The following ARSK variants were observed in gnomAD, a reference collection of about 807,000 sequenced individuals.
ARSK encodes the protein arylsulfatase family member K, also known as arylsulfatase K.
Under a neutral mutation model 53.2 loss-of-function variants are expected in ARSK, and 37 were observed. The observed-to-expected ratio is 0.70, with a 90% CI of 0.54 to 0.92. ARSK has a LOEUF of 0.92. Among genes scored for constraint, ARSK ranks in the 40% least tolerant of loss-of-function variants. The pLI is 0.00. For missense variants in ARSK, 613 were observed against 643.0 expected, an observed-to-expected ratio of 0.95 and a Z score of 0.51; for synonymous variants, 208 against 223.2, an observed-to-expected ratio of 0.93 and a Z score of 0.61.
intron 1 of ARSK, chr5:95,557,018 A>C: frequency 6.6e-6 from 1 of 151,826 alleles, no homozygotes; most frequent in East Asian, 1.9e-4. Context: ...TCGAAAAAAA[A>C]ATAAAAATAA....
intron 2 of ARSK, 71 bp from the exon 3 acceptor site, chr5:95,567,819 A>G (rs1748750978): frequency 6.9e-7 from 1 of 1,451,836 alleles, no homozygotes; most frequent in Admixed American, 2.2e-5. Flanking sequence ...CTGCTCTCTC[A>G]GAGTAATTGT....
chr5:95,572,694 C>T (rs1231075587), intron 3 of ARSK, among the ~76,000 whole-genome samples: 2 of 152,112 alleles, frequency 1.3e-5, no homozygotes, highest in African/African-American at 4.8e-5. Flanking sequence ...AGGAGAATGG[C>T]GTGAACCCGG....
chr5:95,580,074 C>T (rs1748996159), intron 3 of ARSK, among the ~76,000 whole-genome samples: 1 of 152,228 alleles, frequency 6.6e-6, no homozygotes, highest in South Asian at 2.1e-4. Context: ...CATTGTATAG[C>T]TGTGCCTATT....
chr5:95,594,843 CAAA>C (rs57534709), intron 6 of ARSK, among the ~76,000 whole-genome samples: 12 of 141,944 alleles, frequency 8.5e-5, no homozygotes, highest in East Asian at 2.1e-4. Context: ...ACGTCTCAAA[CAAA>C]AAAAAAAAAA....
At chr5:95,579,740 T>C (rs1262956408) in intron 3 of ARSK, among the ~76,000 whole-genome samples, 1 of 152,186 alleles carries the variant, frequency 6.6e-6, no homozygotes, top group Non-Finnish European at 1.5e-5. Context: ...GCCCCTCTTA[T>C]ATTTCTATAA....
At chr5:95,603,149 A>G (rs891736013) in intron 7 of ARSK, 88 bp from the exon 8 acceptor site, 3 of 1,054,672 alleles carry the variant, frequency 2.8e-6, no homozygotes, top group Non-Finnish European at 4.0e-6. Context: ...CTAAAAAAAA[A>G]ATCTAATACA....
intron 4 of ARSK, among the ~76,000 whole-genome samples, chr5:95,584,394 T>C (rs745683255): frequency 6.6e-6 from 1 of 152,242 alleles, no homozygotes; most frequent in Non-Finnish European, 1.5e-5. Flanking sequence ...CCCTGGTAAC[T>C]GAAGTCTACC....
intron 6 of ARSK, among the ~76,000 whole-genome samples, chr5:95,592,642 A>G (rs1172917151): frequency 6.6e-6 from 1 of 151,960 alleles, no homozygotes; most frequent in African/African-American, 2.4e-5. Flanking sequence ...TCTGCCTAAC[A>G]GTTTCAAGTG....
rs374589712 is a variant in ARSK, at chr5:95,603,352, T to G, written c.1437T>G (p.Ser479=). Residue 479 remains serine, a synonymous_variant, in exon 8 of 8, where the codon TCT becomes TCG. Coordinates refer to ENST00000380009, the MANE Select transcript of ARSK (RefSeq NM_198150.3). ...TAAACTACCCTAAAGTTTCTGCTTC[T>G]GTCCACCAGTATAATAAAGAGCAGT... is the stretch of plus-strand genomic sequence containing the variant. ...SIINYPKVSA[S]VHQYNKEQFI... 3.1e-6 allele frequency: 5 copies of G among 1,613,208 alleles called. No individual in the cohort carries two copies. Among genetic ancestry groups the G allele is most frequent in the Non-Finnish European group, 4.2e-6 (5 of 1,179,630 alleles).
chr5:95,582,934 G>T lies in ARSK; in HGVS notation c.435G>T (p.Trp145Cys), dbSNP rs1247244826. The T allele has an allele frequency of 6.2e-7, 1 of 1,609,146 alleles. No homozygotes were observed. Among genetic ancestry groups the T allele is most frequent in the South Asian group, 1.1e-5 (1 of 90,438 alleles). The change falls in exon 4 of 8, where the codon TGG becomes TGT. Residue 145 changes from tryptophan (W) to cysteine (C), a missense_variant. Trp to Cys is a radical substitution (Grantham distance 215, BLOSUM62 -2). Transcript: ENST00000380009. ...CCCTCAGTAATCGTGTGGAAGCGTG[G>T]ACAAGAGATGTTGCTTTCTTACTCA... The part of the protein sequence containing the change: ...HHSISNRVEA[W>C]TRDVAFLLRQ...
At chr5:95,596,590 T>G (rs146150755) in intron 6 of ARSK, among the ~76,000 whole-genome samples, 7 of 152,208 alleles carry the variant, frequency 4.6e-5, no homozygotes, top group African/African-American at 1.7e-4. Flanking sequence ...AAAAAACACT[T>G]CTTGTATCAA....
intron 7 of ARSK, 113 bp downstream of exon 7, chr5:95,601,184 C>CA (rs1749397450): frequency 9.6e-7 from 1 of 1,044,256 alleles, no homozygotes; most frequent in African/African-American, 1.6e-5. Flanking sequence ...TCTGCTGCTT[C>CA]TCATGCTAGG....
intron 6 of ARSK, among the ~76,000 whole-genome samples, chr5:95,594,425 A>T (rs1285268848): frequency 1.3e-5 from 2 of 152,222 alleles, no homozygotes; most frequent in African/African-American, 4.8e-5. Context: ...ATATACACAA[A>T]TGGCCAATAT....
At chr5:95,575,310 A>G (rs1748906558) in intron 3 of ARSK, among the ~76,000 whole-genome samples, 1 of 152,118 alleles carries the variant, frequency 6.6e-6, no homozygotes, top group Non-Finnish European at 1.5e-5. Flanking sequence ...TTTGCTCAGC[A>G]TAGCTTGGAC....
At chr5:95,590,418 G>A (rs1404256298) in intron 5 of ARSK, among the ~76,000 whole-genome samples, 1 of 152,038 alleles carries the variant, frequency 6.6e-6, no homozygotes, top group Admixed American at 6.6e-5. Flanking sequence ...TCGACAGTGG[G>A]CATCTATGAA....
At chr5:95,576,443 C>T (rs181652856) in intron 3 of ARSK, among the ~76,000 whole-genome samples, 3,552 of 151,598 alleles carry the variant, frequency 0.023, 99 homozygotes, top group African/African-American at 0.066. Flanking sequence ...GTGATCCGCC[C>T]GCCTCGGCCT....
intron 6 of ARSK, among the ~76,000 whole-genome samples, chr5:95,596,080 C>G (rs1422751648): frequency 6.6e-6 from 1 of 152,100 alleles, no homozygotes; most frequent in African/African-American, 2.4e-5. Context: ...TAGGAGCCAA[C>G]AAAACAAAGA....
intron 1 of ARSK, among the ~76,000 whole-genome samples, chr5:95,560,374 T>A (rs1462928520): frequency 6.6e-6 from 1 of 151,572 alleles, no homozygotes; most frequent in Non-Finnish European, 1.5e-5. Flanking sequence ...GGACCCAGAA[T>A]AGCCAAAAAT....
chr5:95,593,810 G>GT (rs34910134), intron 6 of ARSK, among the ~76,000 whole-genome samples: 23,660 of 151,840 alleles, frequency 0.16, 2,941 homozygotes, highest in African/African-American at 0.35. Flanking sequence ...GCACCTGTAG[G>GT]TTTTTTTCCT....
Sources: allele counts gnomAD v4.1 joint callset (sites outside exome capture counted in the v4.1 genomes callset), GRCh38; gene constraint gnomAD v4.1.1; transcripts MANE v1.5; gene names NCBI Gene and HGNC (gene_info 2026-07-23, HGNC 2026-07-21).